Variants in SENP6 observed in about 807,000 individuals in gnomAD.
SENP6 encodes SUMO specific peptidase 6, also known as sentrin-specific protease 6.
Under a neutral mutation model 134.5 loss-of-function variants are expected in SENP6, and 41 were observed. The observed-to-expected ratio is 0.30, with a 90% CI of 0.24 to 0.40. The LOEUF is 0.40. Ranked by LOEUF, SENP6 falls within the 10% of genes least tolerant of loss-of-function variation. The probability of loss-of-function intolerance (pLI) is 1.00; values close to 1 mark genes in which losing one functional copy is unlikely to be tolerated. For synonymous variants in SENP6, 395 were observed against 429.8 expected, an observed-to-expected ratio of 0.92 and a Z score of 1.00; for missense variants, 1,248 against 1,312.5, an observed-to-expected ratio of 0.95 and a Z score of 0.76.
At position 75,659,568 on chromosome 6, in the gene SENP6, G is replaced by T. The variant is rs149099461; in HGVS notation, c.696+161G>T. ...TCTGCCTTCAGTAGACCATTTTTAT[G>T]CTTGTTCAAAATATAGAATTTATTT... On this transcript the variant is annotated intron_variant, in intron 8 of 23. Coordinates refer to ENST00000447266, the MANE Select transcript of SENP6 (RefSeq NM_015571.4). Among the ~76,000 whole-genome samples the T allele has an allele frequency of 1.9e-3, 291 of 152,216 alleles. 1 individual carries two copies. Among genetic ancestry groups the T allele is most frequent in the African/African-American group, 6.7e-3 (280 of 41,560 alleles).
chr6:75,627,242 G>A (rs1473863952), intron 3 of SENP6, among the ~76,000 whole-genome samples: 4 of 152,162 alleles, frequency 2.6e-5, no homozygotes, highest in Admixed American at 6.5e-5. Context: ...GATTACAGGC[G>A]TGAGCCACTG....
chr6:75,646,302 A>G (rs921626849), intron 6 of SENP6, among the ~76,000 whole-genome samples: 1 of 152,156 alleles, frequency 6.6e-6, no homozygotes, highest in African/African-American at 2.4e-5. Flanking sequence ...CAGTGTGGAA[A>G]TTGCCCAGTT....
chr6:75,710,578 T>C (rs2149906794), intron 20 of SENP6, among the ~76,000 whole-genome samples: 1 of 152,330 alleles, frequency 6.6e-6, no homozygotes, highest in African/African-American at 2.4e-5. Flanking sequence ...GGCAACTAAA[T>C]ATAGCTTTTC....
chr6:75,640,688 C>T lies in SENP6; in HGVS notation c.463C>T (p.Leu155=). 6.5e-7 allele frequency: 1 copy of T among 1,527,498 alleles called. No individual in the cohort carries two copies. 94.6% of individuals were successfully genotyped at this position (1,527,498 alleles called of 1,614,324 possible). ...PVVKTAAQSS[L]DRKERKEYPP... Reference sequence around the variant, plus strand: ...TTTTCTTTTTCATGTTTTAAGCAGTCTGGACCGAAAAGAAAGGTAAGCTTA... The same window carrying T: ...TTTTCTTTTTCATGTTTTAAGCAGTTTGGACCGAAAAGAAAGGTAAGCTTA... The change falls in exon 6 of 24, where the codon CTG becomes TTG. Residue 155 remains leucine (L), a synonymous_variant. Transcript: ENST00000447266.
At chr6:75,614,386 C>T (rs1767693542) in intron 1 of SENP6, among the ~76,000 whole-genome samples, 1 of 151,946 alleles carries the variant, frequency 6.6e-6, no homozygotes, top group Admixed American at 6.6e-5. Context: ...CTGCCTCAGC[C>T]TCCCGAGTAG....
intron 9 of SENP6, among the ~76,000 whole-genome samples, chr6:75,663,821 T>G (rs9360929): frequency 0.023 from 2,637 of 117,050 alleles, 68 homozygotes; most frequent in African/African-American, 0.049. Flanking sequence ...TTTTTTTTTG[T>G]GGGGGGGGGG....
At chr6:75,687,325 C>G (rs1430799389) in intron 16 of SENP6, among the ~76,000 whole-genome samples, 1 of 152,076 alleles carries the variant, frequency 6.6e-6, no homozygotes, top group Non-Finnish European at 1.5e-5. Flanking sequence ...GTTTAGCTTC[C>G]TTGCGATGGG....
chr6:75,627,285 T>C (rs1015697625), intron 3 of SENP6, among the ~76,000 whole-genome samples: 1 of 152,198 alleles, frequency 6.6e-6, no homozygotes, highest in Non-Finnish European at 1.5e-5. Flanking sequence ...GAATTTGATG[T>C]TTTTCTCTTA....
Position 75,695,907 on chromosome 6 carries a change from G to A in SENP6, c.2179G>A (p.Glu727Lys). The stretch of plus-strand genomic sequence containing the variant: ...TAATCAGAGAGAGAGGAGAAATCAT[G>A]AAACAACTAATCTGTCGTAAGTCAA... ...RLNQRERRNHETTNLSIQQKR... is the reference protein window; with the variant it reads ...RLNQRERRNHKTTNLSIQQKR... The change falls in exon 17 of 24, where the codon GAA becomes AAA. Residue 727 changes from glutamate to lysine, a missense_variant. By Grantham distance (56) the Glu-to-Lys change is moderately conservative. Transcript: ENST00000447266. 2 of 1,601,068 alleles carry A rather than the reference G, an allele frequency of 1.2e-6. No individual in the cohort carries two copies. Among genetic ancestry groups the A allele is most frequent in the Non-Finnish European group, 1.7e-6 (2 of 1,175,288 alleles).
chr6:75,635,488 T>C (rs563873136), intron 5 of SENP6, among the ~76,000 whole-genome samples: 19 of 152,178 alleles, frequency 1.2e-4, no homozygotes, highest in Non-Finnish European at 2.6e-4. Context: ...TTTAAAAATG[T>C]AATATCTAGA....
At chr6:75,639,593 T>C (rs919637474) in intron 5 of SENP6, among the ~76,000 whole-genome samples, 4 of 152,122 alleles carry the variant, frequency 2.6e-5, no homozygotes, top group African/African-American at 9.7e-5. Flanking sequence ...TAAGGATAAA[T>C]AATATTAGAC....
intron 4 of SENP6, 99 bp from the exon 5 acceptor site, chr6:75,634,608 A>G (rs1173646769): frequency 1.7e-6 from 1 of 595,358 alleles, no homozygotes; most frequent in Non-Finnish European, 2.8e-6. Context: ...TTGTTGGTAA[A>G]GGTTTTTGTG....
intron 5 of SENP6, 96 bp downstream of exon 5, chr6:75,634,907 A>G (rs1291951381): frequency 4.1e-6 from 3 of 729,160 alleles, no homozygotes; most frequent in Non-Finnish European, 7.3e-6. Context: ...GTGAAACCTT[A>G]CTGTTTTCAC....
intron 20 of SENP6, 114 bp from the exon 21 acceptor site, chr6:75,711,214 G>GA (rs922078468): frequency 3.0e-6 from 2 of 659,368 alleles, no homozygotes; most frequent in African/African-American, 1.8e-5. Context: ...CCTAAATAGA[G>GA]AAAAAGTTTT....
At chr6:75,649,103 C>T (rs947271610) in intron 7 of SENP6, among the ~76,000 whole-genome samples, 7 of 151,684 alleles carry the variant, frequency 4.6e-5, no homozygotes, top group African/African-American at 9.7e-5. Flanking sequence ...GTCAGGAATT[C>T]GAGACCAGCC....
chr6:75,716,564 A>G lies in SENP6; in HGVS notation c.*970A>G, dbSNP rs560409932. The G allele has an allele frequency of 1.3e-5, 2 of 152,122 alleles. No individual in the cohort carries two copies. Among genetic ancestry groups the G allele is most frequent in the Admixed American group, 1.3e-4 (2 of 15,282 alleles). 9.4% of individuals were successfully genotyped at this position (152,122 alleles called of 1,614,324 possible). ...TTCTTCAGTGTAAATTATTTTTTACATGTAAAAGTACTGTATTCAACCAGT... is the reference window on the plus strand; with the variant it reads ...TTCTTCAGTGTAAATTATTTTTTACGTGTAAAAGTACTGTATTCAACCAGT... On this transcript the variant is annotated 3_prime_UTR_variant, in exon 24 of 24. Transcript: ENST00000447266.
chr6:75,697,930 C>T, intron 18 of SENP6: 1 of 156,284 alleles, frequency 6.4e-6, no homozygotes, highest in Non-Finnish European at 1.4e-5. Flanking sequence ...GGATTTATGC[C>T]ATTTTTCAAT....
intron 14 of SENP6, chr6:75,677,859 C>G (rs772177756): frequency 6.6e-6 from 1 of 152,232 alleles, no homozygotes; most frequent in Non-Finnish European, 1.5e-5. Flanking sequence ...TTTCCTATTA[C>G]AGCAACTTAG....
chr6:75,652,700 AAAAG>A (rs1414065968), intron 7 of SENP6, among the ~76,000 whole-genome samples: 3 of 149,552 alleles, frequency 2.0e-5, no homozygotes, highest in East Asian at 3.9e-4. Flanking sequence ...AAAAAAAAAA[AAAAG>A]AAAAAGAAAA....
Sources: allele counts gnomAD v4.1 joint callset (sites outside exome capture counted in the v4.1 genomes callset), GRCh38; gene constraint gnomAD v4.1.1; transcripts MANE v1.5; gene names NCBI Gene and HGNC (gene_info 2026-07-23, HGNC 2026-07-21).